ZRANB3: variants seen among roughly 807,000 people sequenced by gnomAD.
ZRANB3 encodes zinc finger RANBP2-type containing 3.
ZRANB3 carries 125 observed loss-of-function variants against 133.8 expected under a neutral mutation model. The ratio of observed to expected loss-of-function variants is 0.93; its 90% CI spans 0.81 to 1.08. The LOEUF is 1.08. Among genes scored for constraint, ZRANB3 ranks in the 50% least tolerant of loss-of-function variants. ZRANB3 has a pLI of 0.00. For synonymous variants in ZRANB3, 387 were observed against 432.7 expected (o/e 0.89, Z 1.31); for missense variants, 1,229 against 1,275.5 (o/e 0.96, Z 0.56).
At chr2:135,295,520 ACT>A (rs1406744164) in intron 8 of ZRANB3, among the ~76,000 whole-genome samples, 1 of 151,848 alleles carries the variant, frequency 6.6e-6, no homozygotes, top group Non-Finnish European at 1.5e-5. Context: ...ATGGGTCTTG[ACT>A]CTTTATCCAA....
intron 2 of ZRANB3, among the ~76,000 whole-genome samples, chr2:135,452,642 A>T (rs1398230943): frequency 6.6e-6 from 1 of 152,208 alleles, no homozygotes; most frequent in African/African-American, 2.4e-5. Flanking sequence ...GCAAGTCTGA[A>T]ATCCAGCAGG....
intron 6 of ZRANB3, among the ~76,000 whole-genome samples, chr2:135,337,236 A>C (rs1312557646): frequency 1.3e-5 from 2 of 152,280 alleles, no homozygotes; most frequent in East Asian, 1.9e-4. Context: ...ATTCAGCTTA[A>C]GATGCTTATC....
chr2:135,398,073 A>G (rs913010839), intron 2 of ZRANB3, among the ~76,000 whole-genome samples: 2 of 151,498 alleles, frequency 1.3e-5, no homozygotes, highest in Non-Finnish European at 2.9e-5. Flanking sequence ...TTATTTATTT[A>G]TTTATTTTTT....
chr2:135,489,252 C>A (rs150257606), intron 2 of ZRANB3, among the ~76,000 whole-genome samples: 4 of 133,830 alleles, frequency 3.0e-5, no homozygotes, highest in Non-Finnish European at 3.1e-5. Context: ...TAGGTGGGAA[C>A]TGAACAATGA....
chr2:135,491,623 C>T (rs968124157), intron 2 of ZRANB3, among the ~76,000 whole-genome samples: 6 of 152,146 alleles, frequency 3.9e-5, no homozygotes, highest in Admixed American at 3.3e-4. Flanking sequence ...AAGCAATTCC[C>T]CTGCCTCAGT....
chr2:135,451,247 T>C (rs1280661758), intron 2 of ZRANB3, among the ~76,000 whole-genome samples: 1 of 152,160 alleles, frequency 6.6e-6, no homozygotes, highest in East Asian at 1.9e-4. Flanking sequence ...CATGGAAATA[T>C]ATACCATGTC....
intron 3 of ZRANB3, among the ~76,000 whole-genome samples, chr2:135,367,570 A>G (rs1193745733): frequency 1.3e-5 from 2 of 152,236 alleles, no homozygotes; most frequent in African/African-American, 4.8e-5. Flanking sequence ...GGAAAAGTTA[A>G]TAAAGATCTA....
At chr2:135,516,865 G>A (rs1693719035) in intron 1 of ZRANB3, among the ~76,000 whole-genome samples, 1 of 152,092 alleles carries the variant, frequency 6.6e-6, no homozygotes, top group Non-Finnish European at 1.5e-5. Flanking sequence ...CCTTAAGTGT[G>A]TTTTCCAACT....
intron 3 of ZRANB3, among the ~76,000 whole-genome samples, chr2:135,388,506 C>A (rs887057292): frequency 1.4e-4 from 22 of 152,146 alleles, no homozygotes; most frequent in Non-Finnish European, 3.2e-4. Context: ...TTGTGGAAAT[C>A]ATAAAGGATG....
intron 3 of ZRANB3, among the ~76,000 whole-genome samples, chr2:135,372,179 A>G (rs1034373252): frequency 6.6e-6 from 1 of 151,852 alleles, no homozygotes; most frequent in Admixed American, 6.6e-5. Flanking sequence ...AAAAAAAAAA[A>G]AAAGAGACAC....
intron 3 of ZRANB3, among the ~76,000 whole-genome samples, chr2:135,388,929 T>A (rs6748576): frequency 0.18 from 27,992 of 151,892 alleles, 3,385 homozygotes; most frequent in South Asian, 0.33. Context: ...ATACAAAAAA[T>A]TAGCCGGGTG....
intron 12 of ZRANB3, among the ~76,000 whole-genome samples, chr2:135,246,032 T>C (rs1354755117): frequency 1.4e-5 from 2 of 145,708 alleles, no homozygotes; most frequent in African/African-American, 5.2e-5. Context: ...TTTTCTTTTC[T>C]TTCTTTCTTT....
chr2:135,270,458 G>C (rs1680460197), intron 10 of ZRANB3, among the ~76,000 whole-genome samples: 1 of 152,084 alleles, frequency 6.6e-6, no homozygotes, highest in Admixed American at 6.6e-5. Flanking sequence ...GCACAGCCTT[G>C]AATAAAATGT....
intron 12 of ZRANB3, 90 bp from the exon 13 acceptor site, chr2:135,231,017 C>G: frequency 8.0e-7 from 1 of 1,249,534 alleles, no homozygotes. Flanking sequence ...TTTTAATTAA[C>G]CATATTGCCT....
chr2:135,419,392 A>ATG (rs576960303), intron 2 of ZRANB3, among the ~76,000 whole-genome samples: 2,172 of 150,156 alleles, frequency 0.014, 39 homozygotes, highest in African/African-American at 0.046. Context: ...GTGTGTGTTT[A>ATG]TGTGTGTGTG....
Position 135,200,378 on chromosome 2 carries a change from A to G in ZRANB3, c.3204T>C (p.His1068=). ...QVRRQSLASK[H]GSDITRFLVK... ...CCAAAAATCGTGTGATGTCTGATCC[A>G]TGCTTTGATGCTAGAGATTGTCTTC... is the stretch of plus-strand genomic sequence containing the variant. Residue 1068 remains histidine, a synonymous_variant, in exon 21 of 21, where the codon CAT becomes CAC. Coordinates refer to ENST00000264159, the MANE Select transcript of ZRANB3 (RefSeq NM_032143.4). The G allele has an allele frequency of 6.2e-7, 1 of 1,606,602 alleles. No individual in the cohort carries two copies. Among genetic ancestry groups the G allele is most frequent in the African/African-American group, 1.3e-5 (1 of 75,000 alleles).
At position 135,313,469 on chromosome 2, in the gene ZRANB3, G is replaced by T; in HGVS notation, c.966+20C>A. 6.7e-7 allele frequency: 1 copy of T among 1,491,966 alleles called. No homozygotes were observed. The highest frequency in any genetic ancestry group is 9.3e-7 in the Non-Finnish European group (1 of 1,076,102). 92.4% of individuals were successfully genotyped at this position (1,491,966 alleles called of 1,614,324 possible). On this transcript the variant is annotated intron_variant, in intron 8 of 20. Coordinates refer to ENST00000264159, the MANE Select transcript of ZRANB3 (RefSeq NM_032143.4). The stretch of plus-strand genomic sequence containing the variant: ...ATAATTTGTATGAAGACAAATACAT[G>T]ATGGCCCAGCAAAGAGTACCTTGGC...
intron 6 of ZRANB3, among the ~76,000 whole-genome samples, chr2:135,333,004 T>C (rs1454030607): frequency 1.3e-5 from 2 of 152,204 alleles, no homozygotes; most frequent in Admixed American, 1.3e-4. Context: ...GCCTTTTCCA[T>C]GCCTGTATCC....
At chr2:135,358,281 CAA>C (rs562009219) in intron 3 of ZRANB3, among the ~76,000 whole-genome samples, 22 of 152,302 alleles carry the variant, frequency 1.4e-4, no homozygotes, top group African/African-American at 4.8e-4. Context: ...ATAATTCTCT[CAA>C]GTTTCCTCCT....
Sources: allele counts gnomAD v4.1 joint callset (sites outside exome capture counted in the v4.1 genomes callset), GRCh38; gene constraint gnomAD v4.1.1; transcripts MANE v1.5; gene names NCBI Gene and HGNC (gene_info 2026-07-23, HGNC 2026-07-21).